The following TYR variants were observed in gnomAD, a reference collection of about 807,000 sequenced individuals.
The protein encoded by TYR is LB24-AB.
TYR carries 58 observed loss-of-function variants against 51.5 expected under a neutral mutation model. That is an observed-to-expected ratio of 1.13 (90% CI 0.91 to 1.40). The LOEUF (loss-of-function observed/expected upper bound fraction) is 1.40, where lower values mean the gene tolerates loss of function less well. TYR is among the 40% of genes most tolerant of loss of function. The probability of loss-of-function intolerance (pLI) is 0.00; values close to 1 mark genes in which losing one functional copy is unlikely to be tolerated. For missense variants in TYR, 732 were observed against 647.4 expected, an observed-to-expected ratio of 1.13 and a Z score of -1.42; for synonymous variants, 263 against 235.2, an observed-to-expected ratio of 1.12 and a Z score of -1.08.
intron 3 of TYR, among the ~76,000 whole-genome samples, chr11:89,251,431 C>A (rs1944329529): frequency 6.6e-6 from 1 of 151,634 alleles, no homozygotes; most frequent in African/African-American, 2.4e-5. Flanking sequence ...TTATTTTTAT[C>A]CTAAAGTAAA....
chr11:89,282,293 G>C (rs1415952812), intron 3 of TYR, among the ~76,000 whole-genome samples: 2 of 151,738 alleles, frequency 1.3e-5, no homozygotes, highest in African/African-American at 4.8e-5. Context: ...TGTATATCAG[G>C]CTGTTCCCAA....
chr11:89,198,941 T>C (rs756198135), intron 2 of TYR, among the ~76,000 whole-genome samples: 1 of 152,052 alleles, frequency 6.6e-6, no homozygotes, highest in Non-Finnish European at 1.5e-5. Context: ...CCCCGGTGTG[T>C]AATGTTCCCC....
chr11:89,183,431 A>G (rs956264315), intron 1 of TYR, among the ~76,000 whole-genome samples: 6 of 152,094 alleles, frequency 3.9e-5, no homozygotes, highest in African/African-American at 1.4e-4. Flanking sequence ...GAGAAAAAAA[A>G]TGAGGTAGAA....
intron 2 of TYR, among the ~76,000 whole-genome samples, chr11:89,199,314 T>G (rs1387228318): frequency 6.6e-6 from 1 of 152,200 alleles, no homozygotes; most frequent in Non-Finnish European, 1.5e-5. Flanking sequence ...TAGTTCTAGA[T>G]CCCTGAGGAA....
At chr11:89,210,884 A>G (rs1943745148) in intron 2 of TYR, among the ~76,000 whole-genome samples, 1 of 152,216 alleles carries the variant, frequency 6.6e-6, no homozygotes, top group South Asian at 2.1e-4. Context: ...TGAAGGAGAA[A>G]TAAAATCCTT....
chr11:89,246,690 C>G (rs1338032458), intron 3 of TYR, among the ~76,000 whole-genome samples: 1 of 152,228 alleles, frequency 6.6e-6, no homozygotes, highest in East Asian at 1.9e-4. Flanking sequence ...TTCTACTCTA[C>G]TCCCCAAGCC....
chr11:89,191,526 A>G, intron 2 of TYR, 108 bp downstream of exon 2: 1 of 1,061,656 alleles, frequency 9.4e-7, no homozygotes, highest in East Asian at 2.4e-5. Context: ...TGAGTTGACC[A>G]AGAATATGTG....
At chr11:89,272,375 G>C (rs1944598792) in intron 3 of TYR, among the ~76,000 whole-genome samples, 1 of 151,584 alleles carries the variant, frequency 6.6e-6, no homozygotes, top group Admixed American at 6.6e-5. Flanking sequence ...TCAATGTGCA[G>C]TAATATTTTG....
intron 2 of TYR, among the ~76,000 whole-genome samples, chr11:89,225,712 T>C (rs1449531390): frequency 6.6e-6 from 1 of 151,886 alleles, no homozygotes; most frequent in Non-Finnish European, 1.5e-5. Flanking sequence ...AAATTGACAC[T>C]ATTTGCAATA....
At chr11:89,263,827 G>T (rs1944491745) in intron 3 of TYR, among the ~76,000 whole-genome samples, 1 of 152,006 alleles carries the variant, frequency 6.6e-6, no homozygotes, top group South Asian at 2.1e-4. Flanking sequence ...ACTATTGAAA[G>T]AAATTAATAA....
Position 89,275,715 on chromosome 11 carries a change from A to C in TYR, c.1185-9058A>C, listed in dbSNP as rs1483945731. On this transcript the variant is annotated intron_variant, in intron 3 of 4. Coordinates refer to ENST00000263321, the MANE Select transcript of TYR (RefSeq NM_000372.5). The stretch of plus-strand genomic sequence containing the variant: ...GAAGAAGATTAATGTACAGAAAAAG[A>C]AAAATAACGTTAAAAAAATGGAAGT... 2.6e-5 allele frequency among the ~76,000 whole-genome samples: 4 copies of C among 151,872 alleles called. No homozygotes were observed. In the East Asian group the frequency reaches 7.8e-4, roughly 30 times the overall value.
At chr11:89,194,258 T>C (rs1417697493) in intron 2 of TYR, among the ~76,000 whole-genome samples, 1 of 152,152 alleles carries the variant, frequency 6.6e-6, no homozygotes, top group African/African-American at 2.4e-5. Context: ...TAATAGAACA[T>C]TCTTCATTTT....
chr11:89,228,597 C>T (rs1227359883), intron 3 of TYR, among the ~76,000 whole-genome samples: 1 of 152,164 alleles, frequency 6.6e-6, no homozygotes, highest in Non-Finnish European at 1.5e-5. Flanking sequence ...GTTATTTCTT[C>T]TCTTTTTGAA....
At chr11:89,260,149 T>C (rs1565415872) in intron 3 of TYR, among the ~76,000 whole-genome samples, 1 of 151,926 alleles carries the variant, frequency 6.6e-6, no homozygotes, top group East Asian at 1.9e-4. Flanking sequence ...GGCAAGGACG[T>C]GTGCAGTAGT....
At chr11:89,208,554 C>T (rs1943705286) in intron 2 of TYR, among the ~76,000 whole-genome samples, 2 of 152,130 alleles carry the variant, frequency 1.3e-5, no homozygotes. Context: ...ATTATACAAA[C>T]AGCTATTATC....
chr11:89,191,078 C>A, intron 1 of TYR, 124 bp from the exon 2 acceptor site: 1 of 830,606 alleles, frequency 1.2e-6, no homozygotes, highest in Non-Finnish European at 2.0e-6. Context: ...ATTAAAGACA[C>A]ATGATTGTAG....
chr11:89,290,253 G>A (rs867767699), intron 4 of TYR, among the ~76,000 whole-genome samples: 3 of 152,006 alleles, frequency 2.0e-5, no homozygotes, highest in Admixed American at 2.0e-4. Context: ...GGCTTACAAA[G>A]AAAGTCTGAA....
intron 3 of TYR, among the ~76,000 whole-genome samples, chr11:89,252,862 G>A (rs1234779331): frequency 6.6e-6 from 1 of 151,584 alleles, no homozygotes; most frequent in Non-Finnish European, 1.5e-5. Context: ...ATACTCCTTT[G>A]TTATGTCATT....
intron 3 of TYR, among the ~76,000 whole-genome samples, chr11:89,264,162 C>G (rs1944496234): frequency 6.6e-6 from 1 of 151,866 alleles, no homozygotes; most frequent in Non-Finnish European, 1.5e-5. Context: ...GAAGCTTCTC[C>G]CACTGCCAAT....
Sources: gnomAD v4.1 joint callset for allele counts (sites outside exome capture counted in the v4.1 genomes callset) on GRCh38, gnomAD v4.1.1 for gene constraint, MANE v1.5 for transcripts, NCBI Gene and HGNC (gene_info 2026-07-23, HGNC 2026-07-21) for gene names.